LIMCH1: variants seen among roughly 807,000 people sequenced by gnomAD.
The protein encoded by LIMCH1 is LIM and calponin homology domains-containing protein 1.
LIMCH1 carries 113 observed loss-of-function variants against 176.5 expected under a neutral mutation model. The ratio of observed to expected loss-of-function variants is 0.64; its 90% CI spans 0.55 to 0.75. The LOEUF (loss-of-function observed/expected upper bound fraction) is 0.75, where lower values mean the gene tolerates loss of function less well. Among genes scored for constraint, LIMCH1 ranks in the 30% least tolerant of loss-of-function variants. The pLI is 0.00. For synonymous variants in LIMCH1, 619 were observed against 645.9 expected (o/e 0.96, Z 0.63); for missense variants, 1,674 against 1,814.9 (o/e 0.92, Z 1.41).
At position 41,626,748 on chromosome 4, in the gene LIMCH1, A is replaced by G. The variant is rs1483958894; in HGVS notation, c.766A>G (p.Ile256Val). Reference sequence around the variant, plus strand: ...TGAAGAGAAAGAAGCTATTCGTGATATTGTCCTTCGCAAAGAAAACTCTTT... The same window carrying G: ...TGAAGAGAAAGAAGCTATTCGTGATGTTGTCCTTCGCAAAGAAAACTCTTT... ...LSEEKEAIRD[I>V]VLRKENSFLT... The change falls in exon 8 of 32, where the codon ATT (isoleucine) becomes GTT (valine). Residue 256 changes from isoleucine to valine, a missense_variant. This residue lies in a region of LIMCH1 where 655 missense variants were observed against 692.2 expected (regional missense o/e 0.95). Coordinates refer to ENST00000503057, the MANE Select transcript of LIMCH1 (RefSeq NM_001330672.2). The G allele has an allele frequency of 1.3e-6, 2 of 1,536,354 alleles. No homozygotes were observed. Among genetic ancestry groups the G allele is most frequent in the Admixed American group, 3.9e-5 (2 of 50,994 alleles).
At chr4:41,563,794 A>G (rs1293171117) in intron 1 of LIMCH1, among the ~76,000 whole-genome samples, 1 of 152,208 alleles carries the variant, frequency 6.6e-6, no homozygotes, top group Non-Finnish European at 1.5e-5. Flanking sequence ...TTTTATCACT[A>G]AAGTCCTAAT....
At chr4:41,386,854 A>T (rs950748070) in intron 1 of LIMCH1, among the ~76,000 whole-genome samples, 5 of 152,182 alleles carry the variant, frequency 3.3e-5, no homozygotes, top group Admixed American at 3.3e-4. Context: ...TCCAGGGGTG[A>T]GATTTCTGCT....
intron 1 of LIMCH1, among the ~76,000 whole-genome samples, chr4:41,410,521 T>C (rs2059386417): frequency 6.6e-6 from 1 of 152,184 alleles, no homozygotes; most frequent in Non-Finnish European, 1.5e-5. Context: ...CCCTAAAGGA[T>C]CTGCCCTCAA....
intron 1 of LIMCH1, among the ~76,000 whole-genome samples, chr4:41,446,075 C>G (rs1027706939): frequency 6.6e-6 from 1 of 152,128 alleles, no homozygotes; most frequent in African/African-American, 2.4e-5. Flanking sequence ...ATAGGTTCTT[C>G]TTGTCAAAGG....
intron 4 of LIMCH1, chr4:41,609,556 G>A (rs1455373513): frequency 1.1e-5 from 5 of 438,342 alleles, no homozygotes; most frequent in Middle Eastern, 3.4e-4. Context: ...AAAATGTTGA[G>A]CAGTAAAAGA....
chr4:41,450,504 A>T (rs569999137), intron 1 of LIMCH1, among the ~76,000 whole-genome samples: 3 of 152,198 alleles, frequency 2.0e-5, no homozygotes, highest in Admixed American at 1.3e-4. Context: ...GCAACGTAAA[A>T]GTTGTAGGGG....
At chr4:41,566,273 T>C (rs1195294758) in intron 1 of LIMCH1, among the ~76,000 whole-genome samples, 1 of 152,226 alleles carries the variant, frequency 6.6e-6, no homozygotes, top group East Asian at 1.9e-4. Context: ...TAATGGCATC[T>C]AGCATGATGA....
At chr4:41,574,321 C>T (rs976909733) in intron 1 of LIMCH1, among the ~76,000 whole-genome samples, 8 of 130,040 alleles carry the variant, frequency 6.2e-5, no homozygotes, top group Non-Finnish European at 1.3e-4. Context: ...TGAGACAGAA[C>T]CTTGCTGTGT....
At chr4:41,585,311 T>C (rs1584486072) in intron 1 of LIMCH1, among the ~76,000 whole-genome samples, 1 of 152,210 alleles carries the variant, frequency 6.6e-6, no homozygotes, top group Non-Finnish European at 1.5e-5. Flanking sequence ...TATCTGTTCT[T>C]TTGTGTCTGA....
At position 41,662,792 on chromosome 4, in the gene LIMCH1, G is replaced by A. The variant is rs779916106; in HGVS notation, c.3128-29G>A. The A allele has an allele frequency of 1.2e-5, 18 of 1,548,230 alleles. No homozygotes were observed. In the Admixed American group the frequency reaches 3.4e-4, roughly 29 times the overall value. On this transcript the variant is annotated intron_variant, in intron 19 of 31. Transcript: ENST00000503057. ...AGATATTTGATTTTCTTTTCCTTCT[G>A]TACGTTTCTGGATGTAACTCCATTG... is the stretch of plus-strand genomic sequence containing the variant.
chr4:41,483,008 T>C (rs1304361756), intron 1 of LIMCH1, among the ~76,000 whole-genome samples: 1 of 152,090 alleles, frequency 6.6e-6, no homozygotes, highest in East Asian at 1.9e-4. Context: ...ATAGGAAGTT[T>C]GGGCTGTGAT....
At chr4:41,361,024 TCC>T in intron 1 of LIMCH1, 1 of 879,846 alleles carries the variant, frequency 1.1e-6, no homozygotes, top group Non-Finnish European at 1.6e-6. Context: ...CAGCCTTGCC[TCC>T]CCCCAACCGC....
intron 1 of LIMCH1, among the ~76,000 whole-genome samples, chr4:41,391,364 G>C (rs2057220091): frequency 6.6e-6 from 1 of 152,030 alleles, no homozygotes; most frequent in African/African-American, 2.4e-5. Flanking sequence ...CTATTTTCTT[G>C]GTGACTAAGT....
intron 28 of LIMCH1, 48 bp downstream of exon 28, chr4:41,685,878 C>T: frequency 6.3e-7 from 1 of 1,592,880 alleles, no homozygotes; most frequent in Non-Finnish European, 8.5e-7. Flanking sequence ...TTTAAAAATT[C>T]ATTTAGTTAG....
At chr4:41,387,675 C>A (rs10032075) in intron 1 of LIMCH1, among the ~76,000 whole-genome samples, 2,620 of 152,324 alleles carry the variant, frequency 0.017, 70 homozygotes, top group African/African-American at 0.058. Flanking sequence ...CATTTGATGA[C>A]AAATCCACAC....
intron 1 of LIMCH1, among the ~76,000 whole-genome samples, chr4:41,383,078 A>C (rs2055949908): frequency 6.6e-6 from 1 of 152,232 alleles, no homozygotes; most frequent in Admixed American, 6.5e-5. Context: ...GACGTGAGCC[A>C]CTGTGCCCAG....
chr4:41,585,280 T>C lies in LIMCH1; in HGVS notation c.-240-13640T>C, dbSNP rs557508594. Among the ~76,000 whole-genome samples, 9 of 152,374 alleles carry C rather than the reference T, an allele frequency of 5.9e-5. 1 individual carries two copies. Among genetic ancestry groups the C allele is most frequent in the African/African-American group, 1.9e-4 (8 of 41,594 alleles). ...GAATTTGACTACTCTAAGTACCTCA[T>C]GTATAAGTGGAATCCTGCAATATCT... On this transcript the variant is annotated intron_variant, in intron 1 of 31. Transcript: ENST00000503057.
At chr4:41,589,834 A>G (rs2087167322) in intron 1 of LIMCH1, among the ~76,000 whole-genome samples, 6 of 152,052 alleles carry the variant, frequency 3.9e-5, no homozygotes, top group Admixed American at 3.3e-4. Flanking sequence ...CTCAACTCCA[A>G]ACCCAAATAT....
intron 30 of LIMCH1, among the ~76,000 whole-genome samples, chr4:41,691,885 C>T (rs1278815246): frequency 1.3e-5 from 2 of 152,150 alleles, no homozygotes; most frequent in Admixed American, 6.5e-5. Context: ...ATTGATAACT[C>T]ATTGGCCATG....
Sources: gnomAD v4.1 joint callset for allele counts (sites outside exome capture counted in the v4.1 genomes callset) on GRCh38, gnomAD v4.1.1 for gene constraint, gnomAD v4.1.1 regional missense constraint, MANE v1.5 for transcripts, NCBI Gene and HGNC (gene_info 2026-07-23, HGNC 2026-07-21) for gene names.